Variants in CCDC170 observed in about 807,000 individuals in gnomAD.
CCDC170 encodes the protein coiled-coil domain containing 170, also known as coiled-coil domain-containing protein 170.
In CCDC170, 69 loss-of-function variants were observed where a neutral mutation model predicts 72.6. The ratio of observed to expected loss-of-function variants is 0.95; its 90% confidence interval spans 0.78 to 1.16. The LOEUF is 1.16. Ranked by LOEUF, CCDC170 falls within the 50% of genes most tolerant of loss-of-function variation. The pLI is 0.00. For synonymous variants in CCDC170, 300 were observed against 303.9 expected (o/e 0.99, Z 0.13); for missense variants, 852 against 832.5 (o/e 1.02, Z -0.29).
At chr6:151,521,764 A>G (rs1015119885) in intron 1 of CCDC170, among the ~76,000 whole-genome samples, 2 of 152,112 alleles carry the variant, frequency 1.3e-5, no homozygotes, top group Non-Finnish European at 2.9e-5. Context: ...AGGGTGGATC[A>G]CGAGGTCAGG....
At chr6:151,514,377 A>AAGGGAGGGAGGGAGGGAGGGAGGT (rs1583004674) in intron 1 of CCDC170, among the ~76,000 whole-genome samples, 1 of 104,074 alleles carries the variant, frequency 9.6e-6, no homozygotes, top group Non-Finnish European at 1.8e-5. Flanking sequence ...GGGAGGGAGG[A>AAGGGAGGGAGGGAGGGAGGGAGGT]AGGAAGGAAG....
At chr6:151,601,384 A>G (rs1358318584) in intron 9 of CCDC170, among the ~76,000 whole-genome samples, 1 of 152,104 alleles carries the variant, frequency 6.6e-6, no homozygotes, top group East Asian at 1.9e-4. Flanking sequence ...CACTTCTTTT[A>G]CTTAGTATGA....
intron 1 of CCDC170, among the ~76,000 whole-genome samples, chr6:151,505,553 T>A (rs181059519): frequency 6.6e-6 from 1 of 151,958 alleles, no homozygotes; most frequent in Non-Finnish European, 1.5e-5. Flanking sequence ...GCGTGGTGGC[T>A]GGTGCCTGCA....
intron 4 of CCDC170, among the ~76,000 whole-genome samples, chr6:151,547,433 G>T (rs1005919743): frequency 2.6e-5 from 4 of 152,156 alleles, no homozygotes; most frequent in African/African-American, 7.2e-5. Flanking sequence ...CACAGGTGTT[G>T]GACACTGTCT....
At position 151,517,907 on chromosome 6, in the gene CCDC170, C is replaced by T. The variant is rs187723820; in HGVS notation, c.58-18411C>T. On this transcript the variant is annotated intron_variant, in intron 1 of 10. Coordinates refer to ENST00000239374, the MANE Select transcript of CCDC170 (RefSeq NM_025059.4). ...TTTTCCCTCCTTTAATTTTTCTTTA[C>T]GGCCATTTGCTTCTTTTTTTTTTTT... is the stretch of plus-strand genomic sequence containing the variant. Among the ~76,000 whole-genome samples, 547 of 151,832 alleles carry T rather than the reference C, an allele frequency of 3.6e-3. 14 individuals are homozygous for T. The highest frequency in any genetic ancestry group is 8.4e-4 in the Non-Finnish European group (57 of 67,958).
chr6:151,546,070 G>A (rs114830171), intron 4 of CCDC170, among the ~76,000 whole-genome samples: 2,116 of 152,224 alleles, frequency 0.014, 57 homozygotes, highest in African/African-American at 0.048. Flanking sequence ...GAGCCATCAC[G>A]TCTGGCCTAT....
chr6:151,539,088 C>A (rs900377271), intron 3 of CCDC170, among the ~76,000 whole-genome samples: 1 of 151,924 alleles, frequency 6.6e-6, no homozygotes, highest in Non-Finnish European at 1.5e-5. Context: ...ATGGTGAAAC[C>A]CCGTCTCTAC....
At chr6:151,562,132 G>T (rs1025289731) in intron 5 of CCDC170, among the ~76,000 whole-genome samples, 16 of 151,594 alleles carry the variant, frequency 1.1e-4, no homozygotes, top group Non-Finnish European at 1.9e-4. Context: ...CATTTTTCTG[G>T]TTTTTTATGT....
At chr6:151,541,261 C>T (rs947561062) in intron 3 of CCDC170, among the ~76,000 whole-genome samples, 2 of 151,864 alleles carry the variant, frequency 1.3e-5, no homozygotes, top group African/African-American at 2.4e-5. Flanking sequence ...TATCTCTTGC[C>T]CCTCTTTCCT....
chr6:151,532,135 C>T (rs550614453), intron 1 of CCDC170, among the ~76,000 whole-genome samples: 1 of 150,190 alleles, frequency 6.7e-6, no homozygotes, highest in Non-Finnish European at 1.5e-5. Context: ...TGCATGTTTA[C>T]AGTGCAAAAC....
intron 1 of CCDC170, among the ~76,000 whole-genome samples, chr6:151,519,262 T>C (rs923218258): frequency 6.6e-6 from 1 of 152,182 alleles, no homozygotes; most frequent in Non-Finnish European, 1.5e-5. Context: ...TAATTATTAA[T>C]ATTCCTTGCT....
intron 1 of CCDC170, among the ~76,000 whole-genome samples, chr6:151,494,726 C>A (rs1042511270): frequency 1.3e-5 from 2 of 152,110 alleles, no homozygotes; most frequent in African/African-American, 4.8e-5. Context: ...TGTACCAATG[C>A]GCGCGCGCAC....
At chr6:151,503,052 C>T (rs968281967) in intron 1 of CCDC170, among the ~76,000 whole-genome samples, 4 of 152,024 alleles carry the variant, frequency 2.6e-5, no homozygotes, top group Admixed American at 1.3e-4. Context: ...TGGTGCGCAC[C>T]TGTAGTCCCA....
chr6:151,541,230 T>C (rs1468167184), intron 3 of CCDC170, among the ~76,000 whole-genome samples: 1 of 152,160 alleles, frequency 6.6e-6, no homozygotes, highest in Non-Finnish European at 1.5e-5. Context: ...GAATAACATA[T>C]CTAAAAATTT....
At chr6:151,613,949 C>T (rs1776916431) in intron 9 of CCDC170, among the ~76,000 whole-genome samples, 1 of 152,172 alleles carries the variant, frequency 6.6e-6, no homozygotes, top group Non-Finnish European at 1.5e-5. Context: ...ATTTTACATA[C>T]CTACCAGTAG....
chr6:151,548,516 A>G (rs771251697), intron 5 of CCDC170, 27 bp downstream of exon 5: 21 of 1,460,914 alleles, frequency 1.4e-5, no homozygotes, highest in African/African-American at 9.8e-5. Flanking sequence ...ATACGTGTGC[A>G]TCTGGGACCA....
At chr6:151,525,278 A>G (rs1194101099) in intron 1 of CCDC170, among the ~76,000 whole-genome samples, 2 of 152,130 alleles carry the variant, frequency 1.3e-5, no homozygotes, top group Non-Finnish European at 2.9e-5. Flanking sequence ...TTATGAATGT[A>G]CTATATGTCA....
At chr6:151,580,058 T>C (rs1776359255) in intron 6 of CCDC170, among the ~76,000 whole-genome samples, 1 of 152,164 alleles carries the variant, frequency 6.6e-6, no homozygotes, top group Non-Finnish European at 1.5e-5. Flanking sequence ...ATCACTCCCT[T>C]AGTCTAACTT....
chr6:151,506,809 T>G (rs970555371), intron 1 of CCDC170, among the ~76,000 whole-genome samples: 1 of 152,172 alleles, frequency 6.6e-6, no homozygotes, highest in African/African-American at 2.4e-5. Context: ...GTGGGCCTCA[T>G]CCAAGCCATT....
Sources: allele counts gnomAD v4.1 joint callset (sites outside exome capture counted in the v4.1 genomes callset), GRCh38; gene constraint gnomAD v4.1.1; transcripts MANE v1.5; gene names NCBI Gene and HGNC (gene_info 2026-07-23, HGNC 2026-07-21).